GOLGA4: variants seen among roughly 807,000 people sequenced by gnomAD.
GOLGA4 encodes golgin subfamily A member 4.
In GOLGA4, 169 loss-of-function variants were observed where a neutral mutation model predicts 265.9. The observed-to-expected ratio is 0.64, with a 90% CI of 0.56 to 0.72. The LOEUF (loss-of-function observed/expected upper bound fraction) is 0.72, where lower values mean the gene tolerates loss of function less well. Ranked by LOEUF, GOLGA4 falls within the 30% of genes least tolerant of loss-of-function variation. GOLGA4 has a pLI of 0.00. For missense variants in GOLGA4, 2,482 were observed against 2,483.4 expected (o/e 1.00, Z 0.01); for synonymous variants, 923 against 855.8 (o/e 1.08, Z -1.37).
At chr3:37,305,986 C>T (rs549990765) in intron 10 of GOLGA4, among the ~76,000 whole-genome samples, 1 of 152,144 alleles carries the variant, frequency 6.6e-6, no homozygotes, top group Non-Finnish European at 1.5e-5. Flanking sequence ...TGTTGGAGGA[C>T]AGAGGAAATC....
intron 19 of GOLGA4, among the ~76,000 whole-genome samples, 168 bp from the exon 20 acceptor site, chr3:37,339,956 G>GC (rs1553624612): frequency 6.8e-6 from 1 of 146,614 alleles, no homozygotes; most frequent in Admixed American, 6.8e-5. Flanking sequence ...TTTAGTTTTA[G>GC]TTTTTTTTTT....
chr3:37,286,673 C>G (rs138739240), intron 4 of GOLGA4, among the ~76,000 whole-genome samples: 15 of 152,270 alleles, frequency 9.9e-5, no homozygotes, highest in African/African-American at 3.6e-4. Context: ...TTTCTAGTGT[C>G]TCAGTCTACA....
intron 5 of GOLGA4, among the ~76,000 whole-genome samples, chr3:37,294,662 AG>A (rs1429729502): frequency 6.6e-6 from 1 of 152,200 alleles, no homozygotes; most frequent in Non-Finnish European, 1.5e-5. Flanking sequence ...GTGGGATTAC[AG>A]GTGTGAGCCA....
At chr3:37,266,687 AGAT>A (rs1404694647) in intron 2 of GOLGA4, among the ~76,000 whole-genome samples, 3 of 151,984 alleles carry the variant, frequency 2.0e-5, no homozygotes, top group Non-Finnish European at 4.4e-5. Context: ...TCTGTGGGTG[AGAT>A]GGTGGTGGTG....
intron 10 of GOLGA4, among the ~76,000 whole-genome samples, chr3:37,312,196 C>T (rs1044599087): frequency 6.6e-6 from 1 of 152,162 alleles, no homozygotes; most frequent in African/African-American, 2.4e-5. Flanking sequence ...CTGATGACAC[C>T]TAAGCATTAA....
intron 20 of GOLGA4, among the ~76,000 whole-genome samples, chr3:37,345,093 C>T (rs560292123): frequency 1.4e-4 from 21 of 151,968 alleles, no homozygotes; most frequent in Admixed American, 1.3e-3. Context: ...ACCTGTAGTC[C>T]CAGCTACTTG....
intron 1 of GOLGA4, chr3:37,243,972 G>A: frequency 3.9e-6 from 1 of 255,112 alleles, no homozygotes; most frequent in Non-Finnish European, 7.5e-6. Context: ...CCCCACGCTG[G>A]GAATGAGGGC....
Position 37,335,075 on chromosome 3 carries a change from C to A in GOLGA4, c.6215C>A (p.Ala2072Glu). The A allele has an allele frequency of 6.2e-7, 1 of 1,600,360 alleles. No homozygotes were observed. Among genetic ancestry groups the A allele is most frequent in the Non-Finnish European group, 8.5e-7 (1 of 1,170,990 alleles). The change falls in exon 17 of 24, where the codon GCA (alanine) becomes GAA (glutamate). Residue 2072 changes from alanine (A) to glutamate (E), a missense_variant. Ala to Glu is a moderately radical substitution (Grantham distance 107). Around this residue, in one of 3 missense-constraint regions of GOLGA4, gnomAD observed 942 missense variants for 983.1 expected, o/e 0.96. Coordinates refer to ENST00000361924, the MANE Select transcript of GOLGA4 (RefSeq NM_002078.5). ...AAGGCTCGTGAAGAAGAAATGACTG[C>A]AAAAGTAAGGGACCTGCAGACTCAA... ...ILDAREEEMT[A>E]KVRDLQTQLE...
At chr3:37,287,982 T>C (rs1180508721) in intron 4 of GOLGA4, among the ~76,000 whole-genome samples, 2 of 152,206 alleles carry the variant, frequency 1.3e-5, no homozygotes, top group African/African-American at 4.8e-5. Context: ...TTACTTTGTT[T>C]CCATAGGTCA....
rs57134861 is a variant in GOLGA4 at position 37,296,349 on chromosome 3, C to A, written c.814+130C>A. On this transcript the variant is annotated intron_variant, in intron 7 of 23. Coordinates refer to ENST00000361924, the MANE Select transcript of GOLGA4 (RefSeq NM_002078.5). ...TCGCTTGAGTTCAGGAGTTTGAGAC[C>A]AGCCTGGGCAACATAGAGAAAACCC... 2.0e-3 allele frequency: 1,622 copies of A among 792,172 alleles called. 18 individuals are homozygous for A. In the African/African-American group the frequency reaches 0.025, roughly 12 times the overall value. 49.1% of individuals were successfully genotyped at this position (792,172 alleles called of 1,614,324 possible).
chr3:37,356,234 C>T (rs2097090691), intron 22 of GOLGA4, among the ~76,000 whole-genome samples: 1 of 152,056 alleles, frequency 6.6e-6, no homozygotes, highest in Admixed American at 6.6e-5. Flanking sequence ...TAAATAATAC[C>T]TCTTGCACTT....
chr3:37,273,630 TAAC>T (rs1187174218), intron 2 of GOLGA4: 1 of 1,154,560 alleles, frequency 8.7e-7, no homozygotes, highest in South Asian at 1.3e-5. Flanking sequence ...TTTTAGAAAA[TAAC>T]AAGTCATTTC....
intron 20 of GOLGA4, among the ~76,000 whole-genome samples, chr3:37,342,259 G>A (rs772356672): frequency 6.6e-6 from 1 of 152,080 alleles, no homozygotes; most frequent in Non-Finnish European, 1.5e-5. Flanking sequence ...CAGGAGAATC[G>A]CTTGAACCTG....
intron 20 of GOLGA4, among the ~76,000 whole-genome samples, chr3:37,340,846 C>T (rs2097031259): frequency 6.6e-6 from 1 of 152,058 alleles, no homozygotes; most frequent in Non-Finnish European, 1.5e-5. Context: ...ATATATTTTA[C>T]CTTTTAACAG....
At chr3:37,275,102 G>A (rs1292578500) in intron 2 of GOLGA4, among the ~76,000 whole-genome samples, 1 of 150,828 alleles carries the variant, frequency 6.6e-6, no homozygotes, top group East Asian at 2.0e-4. Flanking sequence ...TGTAATTCCA[G>A]CTACTCAGGA....
chr3:37,249,185 A>G (rs1337696975), intron 1 of GOLGA4, among the ~76,000 whole-genome samples: 4 of 152,166 alleles, frequency 2.6e-5, no homozygotes, highest in South Asian at 2.1e-4. Flanking sequence ...TATTGAATTT[A>G]TCTCAACTTT....
chr3:37,347,711 C>G (rs944397200), intron 21 of GOLGA4, among the ~76,000 whole-genome samples: 1 of 152,002 alleles, frequency 6.6e-6, no homozygotes, highest in Non-Finnish European at 1.5e-5. Flanking sequence ...AAACATTATG[C>G]TTTATAGTTA....
In GOLGA4 at chr3:37,323,942, C is replaced by G. The variant is rs140077640; in HGVS notation, c.2056C>G (p.Leu686Val). Residue 686 changes from leucine to valine, a missense_variant, in exon 14 of 24, where the codon CTA (leucine) becomes GTA (valine). Leu to Val is a conservative substitution (Grantham distance 32, BLOSUM62 1). Coordinates refer to ENST00000361924, the MANE Select transcript of GOLGA4 (RefSeq NM_002078.5). ...AAAGCTTGATGTGAAGCAAACAGAA[C>G]TAGAATCATTATCTTCTGAACTGTC... is the stretch of plus-strand genomic sequence containing the variant. ...LEKLDVKQTE[L>V]ESLSSELSEV... 80 of 1,613,494 alleles carry G rather than the reference C, an allele frequency of 5.0e-5. No individual in the cohort carries two copies. The East Asian group carries it at 1.4e-3, about 28-fold the overall frequency.
chr3:37,325,431 A>G lies in GOLGA4; in HGVS notation c.3545A>G (p.Asp1182Gly). 1 of 1,611,290 alleles carries G rather than the reference A, an allele frequency of 6.2e-7. No individual in the cohort carries two copies. The highest frequency in any genetic ancestry group is 8.5e-7 in the Non-Finnish European group (1 of 1,179,168). Residue 1182 changes from aspartate (D) to glycine (G), a missense_variant, in exon 14 of 24, where the codon GAT becomes GGT. Asp to Gly is a moderately conservative substitution (Grantham distance 94). Around this residue, in one of 3 missense-constraint regions of GOLGA4, gnomAD observed 1,536 missense variants for 1,483.7 expected, o/e 1.04. Coordinates refer to ENST00000361924, the MANE Select transcript of GOLGA4 (RefSeq NM_002078.5). ...TTGACTAGCAAGTTGAAAACCACAG[A>G]TGAAGAATTCCAGAGTTTGAAATCT... The part of the protein sequence containing the change: ...SELTSKLKTT[D>G]EEFQSLKSSH...
Sources: allele counts gnomAD v4.1 joint callset (sites outside exome capture counted in the v4.1 genomes callset), GRCh38; gene constraint gnomAD v4.1.1; regional missense constraint gnomAD v4.1.1; transcripts MANE v1.5; gene names NCBI Gene and HGNC (gene_info 2026-07-23, HGNC 2026-07-21).